Variants in PXYLP1 observed in about 807,000 individuals in gnomAD.
PXYLP1 encodes the protein 2-phosphoxylose phosphatase 1, also known as acid phosphatase-like 2.
PXYLP1 carries 17 observed loss-of-function variants against 37.9 expected under a neutral mutation model. The ratio of observed to expected loss-of-function variants is 0.45; its 90% confidence interval spans 0.31 to 0.67. The LOEUF (loss-of-function observed/expected upper bound fraction) is 0.67, where lower values mean the gene tolerates loss of function less well. PXYLP1 is among the 30% of genes least tolerant of loss of function. The probability of loss-of-function intolerance (pLI) is 0.07; values close to 1 mark genes in which losing one functional copy is unlikely to be tolerated. For missense variants in PXYLP1, 511 were observed against 612.0 expected, an observed-to-expected ratio of 0.84 and a Z score of 1.74; for synonymous variants, 221 against 232.2, an observed-to-expected ratio of 0.95 and a Z score of 0.44.
At chr3:141,251,071 A>G (rs952173461) in intron 1 of PXYLP1, among the ~76,000 whole-genome samples, 2 of 152,254 alleles carry the variant, frequency 1.3e-5, no homozygotes, top group Non-Finnish European at 2.9e-5. Flanking sequence ...TTACACCTCC[A>G]GAAGGGAGCC....
chr3:141,251,494 C>G (rs773037317), intron 1 of PXYLP1, among the ~76,000 whole-genome samples: 1 of 152,236 alleles, frequency 6.6e-6, no homozygotes, highest in Non-Finnish European at 1.5e-5. Flanking sequence ...AATATTCTCT[C>G]TAGCTGGATG....
intron 2 of PXYLP1, among the ~76,000 whole-genome samples, chr3:141,271,428 G>C (rs1941661338): frequency 6.6e-6 from 1 of 152,180 alleles, no homozygotes. Context: ...GTCCCAAAAA[G>C]GGCAAGGCAG....
chr3:141,256,009 C>T (rs900490955), intron 1 of PXYLP1, among the ~76,000 whole-genome samples: 2 of 152,264 alleles, frequency 1.3e-5, no homozygotes, highest in South Asian at 2.1e-4. Context: ...TGGTTGCAGA[C>T]GTGGCTGCCT....
intron 2 of PXYLP1, among the ~76,000 whole-genome samples, chr3:141,263,894 G>A (rs940703242): frequency 7.2e-5 from 11 of 152,208 alleles, no homozygotes; most frequent in East Asian, 3.8e-4. Flanking sequence ...GCAAACCAGC[G>A]CAGAGTTCCG....
chr3:141,288,128 G>A (rs1180648162), intron 5 of PXYLP1, among the ~76,000 whole-genome samples: 1 of 152,218 alleles, frequency 6.6e-6, no homozygotes, highest in Non-Finnish European at 1.5e-5. Flanking sequence ...CACCATCAGG[G>A]TAGGTTGGTG....
At chr3:141,258,268 G>C (rs1413380575) in intron 1 of PXYLP1, 1 of 152,358 alleles carries the variant, frequency 6.6e-6, no homozygotes. Flanking sequence ...ATTTGCACCA[G>C]AGCTGCAGAG....
chr3:141,281,289 T>A (rs1941948177), intron 4 of PXYLP1, among the ~76,000 whole-genome samples: 1 of 152,022 alleles, frequency 6.6e-6, no homozygotes, highest in Non-Finnish European at 1.5e-5. Context: ...CCCTATGGAG[T>A]AAGCAGCAAG....
chr3:141,276,666 G>C (rs993064394), intron 2 of PXYLP1, among the ~76,000 whole-genome samples: 1 of 152,144 alleles, frequency 6.6e-6, no homozygotes. Flanking sequence ...GATACAGAAT[G>C]GATTCCAAGA....
intron 3 of PXYLP1, 69 bp downstream of exon 3, chr3:141,278,569 C>T (rs995377016): frequency 3.8e-5 from 60 of 1,570,018 alleles, no homozygotes; most frequent in Non-Finnish European, 4.7e-5. Context: ...CATTGCACAG[C>T]AGTAAGGAGC....
Position 141,293,473 on chromosome 3 carries a change from T to TC in PXYLP1, c.*268_*269insC. 1 of 450,890 alleles carries TC rather than the reference T, an allele frequency of 2.2e-6. No homozygotes were observed. The highest frequency in any genetic ancestry group is 3.3e-5 in the South Asian group (1 of 30,674). 27.9% of individuals were successfully genotyped at this position (450,890 alleles called of 1,614,324 possible). A position where few individuals can be genotyped will look rare whatever the true frequency, so the allele number is the denominator to read the frequency against. The stretch of plus-strand genomic sequence containing the variant: ...CTTCGCTTAGAATGCCAGAATAATA[T>TC]AGTTCAAGACCTGAAGTTGCCAATC... On this transcript the variant is annotated 3_prime_UTR_variant, in exon 6 of 6. Transcript: ENST00000286353.
chr3:141,273,969 T>C (rs1199796574), intron 2 of PXYLP1: 3 of 985,660 alleles, frequency 3.0e-6, no homozygotes, highest in Non-Finnish European at 2.4e-6. Context: ...TATCCTTCCA[T>C]CTATTTATCT....
intron 2 of PXYLP1, among the ~76,000 whole-genome samples, chr3:141,271,323 C>A (rs891601161): frequency 6.6e-6 from 1 of 152,116 alleles, no homozygotes; most frequent in Non-Finnish European, 1.5e-5. Flanking sequence ...GCATTCAGAA[C>A]CATGGTAGCA....
intron 1 of PXYLP1, among the ~76,000 whole-genome samples, chr3:141,244,431 T>C (rs1940887905): frequency 6.6e-6 from 1 of 152,018 alleles, no homozygotes. Context: ...TGAGTAAATA[T>C]TGGAAAGTTC....
chr3:141,274,856 G>A (rs1397147361), intron 2 of PXYLP1, among the ~76,000 whole-genome samples: 1 of 152,206 alleles, frequency 6.6e-6, no homozygotes, highest in African/African-American at 2.4e-5. Context: ...CCTAGGATCA[G>A]TTACAGTGTT....
chr3:141,248,892 CAG>C (rs919668810), intron 1 of PXYLP1, among the ~76,000 whole-genome samples: 1 of 139,282 alleles, frequency 7.2e-6, no homozygotes, highest in African/African-American at 3.0e-5. Flanking sequence ...GAGAGAGAGA[CAG>C]AGTGAGTGTG....
chr3:141,263,724 AT>A (rs1177274604), intron 2 of PXYLP1, among the ~76,000 whole-genome samples: 1 of 152,230 alleles, frequency 6.6e-6, no homozygotes, highest in Non-Finnish European at 1.5e-5. Context: ...AGGCTCTAGA[AT>A]CATAATTTGA....
chr3:141,275,744 T>A (rs1196334862), intron 2 of PXYLP1, among the ~76,000 whole-genome samples: 1 of 151,716 alleles, frequency 6.6e-6, no homozygotes, highest in Non-Finnish European at 1.5e-5. Flanking sequence ...GTTCTGTATC[T>A]CTGTGATTGT....
chr3:141,263,093 T>A (rs547034700), intron 2 of PXYLP1, among the ~76,000 whole-genome samples: 23 of 152,340 alleles, frequency 1.5e-4, no homozygotes, highest in African/African-American at 5.1e-4. Context: ...TCCTGATGTT[T>A]TGAATGTGAA....
At chr3:141,237,963 A>G (rs1940700851) in intron 1 of PXYLP1, among the ~76,000 whole-genome samples, 2 of 152,172 alleles carry the variant, frequency 1.3e-5, no homozygotes, top group African/African-American at 2.4e-5. Context: ...GGGAAGCATG[A>G]TAAGAGATCC....
Sources: allele counts gnomAD v4.1 joint callset (sites outside exome capture counted in the v4.1 genomes callset), GRCh38; gene constraint gnomAD v4.1.1; transcripts MANE v1.5; gene names NCBI Gene and HGNC (gene_info 2026-07-23, HGNC 2026-07-21).